KIAA1958: variants seen among roughly 807,000 people sequenced by gnomAD.
KIAA1958 encodes KIAA1958.
A neutral mutation model predicts 47.2 loss-of-function variants in KIAA1958; 14 were observed. That is an observed-to-expected ratio of 0.30 (90% CI 0.20 to 0.46). The LOEUF (loss-of-function observed/expected upper bound fraction) is 0.46. Ranked by LOEUF, KIAA1958 falls within the 20% of genes least tolerant of loss-of-function variation. KIAA1958 has a pLI of 1.00. For missense variants in KIAA1958, 803 were observed against 909.2 expected (o/e 0.88, Z 1.50); for synonymous variants, 354 against 353.3 (o/e 1.00, Z -0.02).
At chr9:112,559,074 A>G (rs1057052033) in intron 1 of KIAA1958, among the ~76,000 whole-genome samples, 4 of 152,174 alleles carry the variant, frequency 2.6e-5, no homozygotes, top group African/African-American at 9.7e-5. Context: ...TGTAAAACAT[A>G]GTAGTTTTGA....
chr9:112,601,357 C>G (rs1211338419), intron 2 of KIAA1958, among the ~76,000 whole-genome samples: 1 of 152,130 alleles, frequency 6.6e-6, no homozygotes, highest in Non-Finnish European at 1.5e-5. Flanking sequence ...TAAAAACTTT[C>G]AGACCAGAAA....
At chr9:112,617,220 G>A (rs1193312285) in intron 2 of KIAA1958, among the ~76,000 whole-genome samples, 3 of 152,214 alleles carry the variant, frequency 2.0e-5, no homozygotes, top group Non-Finnish European at 2.9e-5. Flanking sequence ...TAGCTATGAT[G>A]TTTTATCCTC....
chr9:112,542,074 T>C (rs189291472), intron 1 of KIAA1958, among the ~76,000 whole-genome samples: 3 of 152,254 alleles, frequency 2.0e-5, no homozygotes, highest in Admixed American at 1.3e-4. Flanking sequence ...AGTATACTTT[T>C]GTGGAATGAA....
chr9:112,598,654 TTAA>T (rs1439801738), intron 2 of KIAA1958, among the ~76,000 whole-genome samples: 21 of 152,162 alleles, frequency 1.4e-4, no homozygotes, highest in African/African-American at 4.8e-4. Flanking sequence ...CATTACTATG[TTAA>T]TAGTAGTTTT....
intron 2 of KIAA1958, among the ~76,000 whole-genome samples, chr9:112,590,675 C>T (rs1835906122): frequency 6.6e-6 from 1 of 152,252 alleles, no homozygotes; most frequent in South Asian, 2.1e-4. Flanking sequence ...TAACCTCTTG[C>T]TAACCATGGC....
In KIAA1958 at chr9:112,659,721, C is replaced by A; in HGVS notation, c.1803C>A (p.Val601=). 1 of 1,614,192 alleles carries A rather than the reference C, an allele frequency of 6.2e-7. No individual in the cohort carries two copies. The highest frequency in any genetic ancestry group is 8.5e-7 in the Non-Finnish European group (1 of 1,180,026). The change falls in exon 4 of 4, where the codon GTC becomes GTA. Residue 601 remains valine (V), a synonymous_variant. Transcript: ENST00000337530. ...CCTACTTTGCCCGGACGGACAGCGTCAAGCGGGAGAGTCGGAGCGGCTCCA... is the reference window on the plus strand; with the variant it reads ...CCTACTTTGCCCGGACGGACAGCGTAAAGCGGGAGAGTCGGAGCGGCTCCA... ...NQPYFARTDS[V]KRESRSGSTR... is the part of the protein sequence containing the mutation.
intron 2 of KIAA1958, among the ~76,000 whole-genome samples, chr9:112,605,366 C>A (rs1836212491): frequency 1.3e-5 from 2 of 152,110 alleles, no homozygotes; most frequent in South Asian, 4.1e-4. Flanking sequence ...GGATGTTCTC[C>A]TGTTCCCTCT....
intron 3 of KIAA1958, among the ~76,000 whole-genome samples, chr9:112,652,231 TG>T (rs1184904001): frequency 1.2e-4 from 19 of 152,350 alleles, no homozygotes; most frequent in African/African-American, 4.6e-4. Flanking sequence ...GACTTCTCTT[TG>T]GTCATTTTTA....
At position 112,574,586 on chromosome 9, in the gene KIAA1958, G is replaced by A. The variant is rs1835603204; in HGVS notation, c.506G>A (p.Ser169Asn). 6.2e-7 allele frequency: 1 copy of A among 1,614,136 alleles called. No homozygotes were observed. Among genetic ancestry groups the A allele is most frequent in the Non-Finnish European group, 8.5e-7 (1 of 1,180,016 alleles). ...GAACCCCAAACCCAAAGGCCTCAAA[G>A]CATTGCTCGCAAAAGACCTGGGGTA... ...DFEPQTQRPQSIARKRPGVVP... is the reference protein window; with the variant it reads ...DFEPQTQRPQNIARKRPGVVP... The change falls in exon 2 of 4, where the codon AGC becomes AAC. Residue 169 changes from serine to asparagine, a missense_variant. Ser to Asn is a conservative substitution (Grantham distance 46). This residue lies in a region of KIAA1958 where 761 missense variants were observed against 829.3 expected (regional missense o/e 0.92). Coordinates refer to ENST00000337530, the MANE Select transcript of KIAA1958 (RefSeq NM_133465.4).
At chr9:112,547,796 GTC>G (rs1835066070) in intron 1 of KIAA1958, among the ~76,000 whole-genome samples, 1 of 152,022 alleles carries the variant, frequency 6.6e-6, no homozygotes, top group African/African-American at 2.4e-5. Context: ...TAACTTAACA[GTC>G]TCTGGCACCT....
intron 1 of KIAA1958, among the ~76,000 whole-genome samples, chr9:112,557,770 A>C (rs1038269320): frequency 6.6e-6 from 1 of 152,236 alleles, no homozygotes; most frequent in Non-Finnish European, 1.5e-5. Flanking sequence ...GAAAAACAAA[A>C]ATATCATATT....
In KIAA1958 at chr9:112,575,112, C is replaced by A; in HGVS notation, c.1032C>A (p.Ser344=). 1 of 1,608,540 alleles carries A rather than the reference C, an allele frequency of 6.2e-7. No individual in the cohort carries two copies. The change falls in exon 2 of 4, where the codon TCC becomes TCA. Residue 344 remains serine, a synonymous_variant. Coordinates refer to ENST00000337530, the MANE Select transcript of KIAA1958 (RefSeq NM_133465.4). ...DEQVASEEFL[S]HLPSQVSSCE... The stretch of plus-strand genomic sequence containing the variant: ...AAGTTGCCTCTGAAGAGTTCCTGTC[C>A]CATCTGCCCAGCCAGGTCTCCTCCT...
chr9:112,589,916 T>C (rs1298604166), intron 2 of KIAA1958, among the ~76,000 whole-genome samples: 1 of 152,220 alleles, frequency 6.6e-6, no homozygotes, highest in African/African-American at 2.4e-5. Context: ...CTGGCTGGTA[T>C]AGCCATTATA....
In KIAA1958 at chr9:112,660,160, AG is replaced by A; in HGVS notation, c.*93del. 1 of 1,110,032 alleles carries A rather than the reference AG, an allele frequency of 9.0e-7. No individual in the cohort carries two copies. 68.8% of individuals were successfully genotyped at this position (1,110,032 alleles called of 1,614,324 possible). A position where few individuals can be genotyped will look rare whatever the true frequency, so the allele number is the denominator to read the frequency against. Reference sequence around the variant, plus strand: ...AGCTCCTTGGAGGCAGGGGCTGACCAGGTGTGACCTCCCGGTCTGGCGGCTC... The same window carrying A: ...AGCTCCTTGGAGGCAGGGGCTGACCAGTGTGACCTCCCGGTCTGGCGGCTC... On this transcript the variant is annotated 3_prime_UTR_variant, in exon 4 of 4. Coordinates refer to ENST00000337530, the MANE Select transcript of KIAA1958 (RefSeq NM_133465.4).
At chr9:112,568,042 A>T (rs989468317) in intron 1 of KIAA1958, among the ~76,000 whole-genome samples, 2 of 151,962 alleles carry the variant, frequency 1.3e-5, no homozygotes, top group Non-Finnish European at 2.9e-5. Context: ...ATTTTTAAAA[A>T]TTTTTATTTT....
intron 2 of KIAA1958, among the ~76,000 whole-genome samples, chr9:112,630,512 A>G (rs1836692143): frequency 6.6e-6 from 1 of 152,234 alleles, no homozygotes; most frequent in African/African-American, 2.4e-5. Flanking sequence ...TTTAAATTAT[A>G]CCAAGCTAAG....
chr9:112,491,463 C>G (rs911355910), intron 1 of KIAA1958, among the ~76,000 whole-genome samples: 1 of 152,064 alleles, frequency 6.6e-6, no homozygotes, highest in African/African-American at 2.4e-5. Context: ...TCACCTTACT[C>G]TCCTCTGGAA....
intron 2 of KIAA1958, among the ~76,000 whole-genome samples, chr9:112,586,580 A>G (rs1835826123): frequency 6.6e-6 from 1 of 152,086 alleles, no homozygotes; most frequent in South Asian, 2.1e-4. Flanking sequence ...TTGGCTTTTT[A>G]TTTCTTCAAG....
intron 2 of KIAA1958, among the ~76,000 whole-genome samples, chr9:112,644,884 C>T (rs2131242449): frequency 6.6e-6 from 1 of 152,044 alleles, no homozygotes; most frequent in African/African-American, 2.4e-5. Flanking sequence ...GCCTGTAATC[C>T]CAGCCCTTTG....
Sources: allele counts gnomAD v4.1 joint callset (sites outside exome capture counted in the v4.1 genomes callset), GRCh38; gene constraint gnomAD v4.1.1; regional missense constraint gnomAD v4.1.1; transcripts MANE v1.5; gene names NCBI Gene and HGNC (gene_info 2026-07-23, HGNC 2026-07-21).